The following FHIT variants were observed in gnomAD, a reference collection of about 807,000 sequenced individuals.
The protein encoded by FHIT is bis(5'-adenosyl)-triphosphatase.
In FHIT, 19 loss-of-function variants were observed where a neutral mutation model predicts 17.9. The ratio of observed to expected loss-of-function variants is 1.06; its 90% CI spans 0.74 to 1.56. The LOEUF (loss-of-function observed/expected upper bound fraction) is 1.56. Ranked by LOEUF, FHIT falls within the 40% of genes most tolerant of loss-of-function variation. The pLI is 0.00. For synonymous variants in FHIT, 81 were observed against 69.7 expected (o/e 1.16, Z -0.81); for missense variants, 248 against 189.2 (o/e 1.31, Z -1.82).
chr3:60,063,957 T>C (rs539199631), intron 5 of FHIT, among the ~76,000 whole-genome samples: 1 of 152,186 alleles, frequency 6.6e-6, no homozygotes, highest in African/African-American at 2.4e-5. Context: ...ACAAGCTAAG[T>C]GTGAAGAATG....
chr3:60,603,436 A>C (rs1465471779), intron 4 of FHIT, among the ~76,000 whole-genome samples: 4 of 151,890 alleles, frequency 2.6e-5, no homozygotes, highest in African/African-American at 9.7e-5. Context: ...CCATTTTACT[A>C]TCTTCCTATC....
chr3:60,133,262 C>T (rs1044299017), intron 5 of FHIT, among the ~76,000 whole-genome samples: 3 of 152,134 alleles, frequency 2.0e-5, no homozygotes, highest in Non-Finnish European at 4.4e-5. Flanking sequence ...CAAAGTTCTC[C>T]GTGTTTCTGC....
chr3:60,180,754 T>C (rs1180752402), intron 5 of FHIT, among the ~76,000 whole-genome samples: 1 of 152,104 alleles, frequency 6.6e-6, no homozygotes, highest in Non-Finnish European at 1.5e-5. Flanking sequence ...CTAAATAAAA[T>C]GCCATATTTA....
intron 5 of FHIT, among the ~76,000 whole-genome samples, chr3:60,042,056 G>A (rs999083671): frequency 3.3e-5 from 5 of 152,088 alleles, no homozygotes; most frequent in East Asian, 1.9e-4. Context: ...ACTCTCAGAC[G>A]AAGGCCCTTT....
chr3:60,894,713 TA>T (rs1705699933), intron 3 of FHIT, among the ~76,000 whole-genome samples: 1 of 152,092 alleles, frequency 6.6e-6, no homozygotes, highest in Non-Finnish European at 1.5e-5. Context: ...AAACACTCTT[TA>T]AAAAATTAAA....
chr3:60,561,575 T>A (rs1386717280), intron 4 of FHIT, among the ~76,000 whole-genome samples: 1 of 152,042 alleles, frequency 6.6e-6, no homozygotes, highest in Non-Finnish European at 1.5e-5. Context: ...GCCCAATTCT[T>A]CTCACAGAAA....
chr3:60,593,165 T>C (rs1325289069), intron 4 of FHIT, among the ~76,000 whole-genome samples: 1 of 152,148 alleles, frequency 6.6e-6, no homozygotes, highest in Admixed American at 6.5e-5. Flanking sequence ...GAGTATGTAA[T>C]CTTCTATTGG....
chr3:60,173,283 G>A (rs568189753), intron 5 of FHIT, among the ~76,000 whole-genome samples: 2 of 152,168 alleles, frequency 1.3e-5, no homozygotes, highest in South Asian at 2.1e-4. Context: ...GGCACACCTG[G>A]GAAGAAGGCA....
At chr3:60,734,647 G>T (rs1254406574) in intron 4 of FHIT, among the ~76,000 whole-genome samples, 1 of 151,994 alleles carries the variant, frequency 6.6e-6, no homozygotes, top group East Asian at 1.9e-4. Context: ...TTACAGGGGT[G>T]AGCCATCCCA....
rs1045409635 is a variant in FHIT, at chr3:60,013,940, A to G, written c.249+67T>C. ...TCTGCCCTCCTGGTAAGATATCAGG[A>G]GGAGCAAGCCCAATGCCGGGATATG... On this transcript the variant is annotated intron_variant, in intron 6 of 9. Coordinates refer to ENST00000492590, the MANE Select transcript of FHIT (RefSeq NM_002012.4). 12 of 1,497,236 alleles carry G rather than the reference A, an allele frequency of 8.0e-6. No homozygotes were observed. In the African/African-American group the frequency reaches 1.2e-4, roughly 15 times the overall value. 92.7% of individuals were successfully genotyped at this position (1,497,236 alleles called of 1,614,324 possible). A position where few individuals can be genotyped will look rare whatever the true frequency, so the allele number is the denominator to read the frequency against.
chr3:60,593,876 A>G (rs529816605), intron 4 of FHIT, among the ~76,000 whole-genome samples: 29 of 152,238 alleles, frequency 1.9e-4, no homozygotes, highest in Middle Eastern at 3.4e-3. Context: ...CACAAAAAAA[A>G]CTAATTCCTA....
At chr3:61,057,498 A>G (rs546641202) in intron 2 of FHIT, among the ~76,000 whole-genome samples, 3 of 152,334 alleles carry the variant, frequency 2.0e-5, no homozygotes, top group African/African-American at 7.2e-5. Flanking sequence ...TAAGTACAGG[A>G]AAGAAGGGAG....
chr3:60,880,987 A>G (rs1321404164), intron 3 of FHIT, among the ~76,000 whole-genome samples: 2 of 152,226 alleles, frequency 1.3e-5, no homozygotes, highest in Non-Finnish European at 2.9e-5. Context: ...ACATAGACTG[A>G]CTTAATTGAT....
rs554789861 is a variant in FHIT, at chr3:60,690,743, T to C, written c.-18+131176A>G. On this transcript the variant is annotated intron_variant, in intron 4 of 9. Transcript: ENST00000492590. ...ATAGCTGGTAATACGGGGCTCCCAG[T>C]GGCAGCACCATCTGTGAAGTCTCTG... 1.6e-4 allele frequency: 63 copies of C among 393,600 alleles called. 1 individual carries two copies. The highest frequency in any genetic ancestry group is 1.2e-3 in the South Asian group (56 of 48,586). 24.4% of individuals were successfully genotyped at this position (393,600 alleles called of 1,614,324 possible).
chr3:59,786,084 G>T (rs889704383), intron 8 of FHIT, among the ~76,000 whole-genome samples: 1 of 152,164 alleles, frequency 6.6e-6, no homozygotes, highest in Admixed American at 6.5e-5. Flanking sequence ...GGCTTGATGG[G>T]TGAAATGGGG....
intron 5 of FHIT, among the ~76,000 whole-genome samples, chr3:60,314,032 G>C (rs560113243): frequency 1.1e-4 from 16 of 152,218 alleles, no homozygotes; most frequent in African/African-American, 3.4e-4. Flanking sequence ...TTCCCAAGCT[G>C]TCTACATCAG....
intron 5 of FHIT, among the ~76,000 whole-genome samples, chr3:60,160,180 G>C (rs1700879767): frequency 6.6e-6 from 1 of 152,058 alleles, no homozygotes; most frequent in African/African-American, 2.4e-5. Context: ...ATGTTTACAA[G>C]GTGGAAAATG....
intron 4 of FHIT, among the ~76,000 whole-genome samples, chr3:60,607,077 T>C (rs2038631845): frequency 6.6e-6 from 1 of 152,170 alleles, no homozygotes; most frequent in Non-Finnish European, 1.5e-5. Context: ...GGTTCTCTAT[T>C]ACTAGTGTCT....
chr3:60,052,429 A>C (rs1260963461), intron 5 of FHIT, among the ~76,000 whole-genome samples: 1 of 152,168 alleles, frequency 6.6e-6, no homozygotes, highest in Non-Finnish European at 1.5e-5. Context: ...ACTCATTCTG[A>C]GGGCTGCCCG....
Sources: gnomAD v4.1 joint callset for allele counts (sites outside exome capture counted in the v4.1 genomes callset) on GRCh38, gnomAD v4.1.1 for gene constraint, MANE v1.5 for transcripts, NCBI Gene and HGNC (gene_info 2026-07-23, HGNC 2026-07-21) for gene names.